The following NPIPB2 variants were observed in gnomAD, a reference collection of about 807,000 sequenced individuals.
NPIPB2 encodes nuclear pore complex interacting protein family member B2, also known as nuclear pore complex-interacting protein family member B2.
NPIPB2 carries 27 observed loss-of-function variants against 30.8 expected under a neutral mutation model. The ratio of observed to expected loss-of-function variants is 0.88; its 90% CI spans 0.65 to 1.21. The LOEUF (loss-of-function observed/expected upper bound fraction) is 1.21, where lower values mean the gene tolerates loss of function less well. NPIPB2 is among the 50% of genes most tolerant of loss of function. The pLI is 0.00. For missense variants in NPIPB2, 440 were observed against 446.2 expected (o/e 0.99, Z 0.13); for synonymous variants, 147 against 162.0 (o/e 0.91, Z 0.70).
chr16:11,948,118 C>T (rs570260993), intron 1 of NPIPB2, among the ~76,000 whole-genome samples: 1 of 151,502 alleles, frequency 6.6e-6, no homozygotes, highest in African/African-American at 2.4e-5. Context: ...GAGTCACTGC[C>T]TAAAACATGG....
intron 1 of NPIPB2, among the ~76,000 whole-genome samples, chr16:11,975,011 G>A (rs1316763469): frequency 6.6e-6 from 1 of 151,492 alleles, no homozygotes; most frequent in Non-Finnish European, 1.5e-5. Flanking sequence ...GGAGGTGGAG[G>A]TTGCAGTGAG....
chr16:11,971,437 G>A (rs1304205222), intron 1 of NPIPB2, among the ~76,000 whole-genome samples: 1 of 151,746 alleles, frequency 6.6e-6, no homozygotes, highest in Non-Finnish European at 1.5e-5. Context: ...GCAGGTATGG[G>A]GGAGTGGGGT....
chr16:11,964,904 TTGTC>T (rs1395413732), intron 1 of NPIPB2, among the ~76,000 whole-genome samples: 1 of 152,190 alleles, frequency 6.6e-6, no homozygotes, highest in Non-Finnish European at 1.5e-5. Context: ...AGACCTTGTC[TTGTC>T]TATCTCCCTG....
intron 1 of NPIPB2, 124 bp from the exon 2 acceptor site, chr16:11,937,792 C>T (rs920210202): frequency 1.6e-5 from 23 of 1,420,572 alleles, no homozygotes; most frequent in Middle Eastern, 5.1e-4. Flanking sequence ...CAGATATCAC[C>T]GTGGGATTCC....
At chr16:11,973,785 C>T (rs907240647) in intron 1 of NPIPB2, among the ~76,000 whole-genome samples, 2 of 151,962 alleles carry the variant, frequency 1.3e-5, no homozygotes, top group African/African-American at 2.4e-5. Context: ...TGTGAGCCAC[C>T]GCACCCAGCC....
chr16:11,960,547 G>A (rs925002408), intron 1 of NPIPB2, among the ~76,000 whole-genome samples: 12 of 151,926 alleles, frequency 7.9e-5, no homozygotes, highest in African/African-American at 2.4e-4. Flanking sequence ...TGGTGGAGAC[G>A]GGGTTTCACC....
intron 1 of NPIPB2, chr16:11,966,475 T>C: frequency 1.1e-6 from 1 of 908,464 alleles, no homozygotes; most frequent in Non-Finnish European, 1.6e-6. Context: ...CATTGTTACA[T>C]TAAATGAACT....
intron 1 of NPIPB2, among the ~76,000 whole-genome samples, chr16:11,959,897 T>C (rs1239119015): frequency 6.6e-6 from 1 of 152,164 alleles, no homozygotes; most frequent in Non-Finnish European, 1.5e-5. Context: ...TGCCTCAGCC[T>C]CCTGAGCAGC....
chr16:11,963,952 C>G (rs1448862298), intron 1 of NPIPB2: 2 of 151,584 alleles, frequency 1.3e-5, no homozygotes, highest in Non-Finnish European at 2.9e-5. Flanking sequence ...GGCAGATCAC[C>G]TGAACCCAGG....
chr16:11,934,020 C>G (rs2054830474), intron 2 of NPIPB2, 96 bp from the exon 3 acceptor site: 3 of 918,248 alleles, frequency 3.3e-6, no homozygotes, highest in African/African-American at 1.6e-5. Context: ...ATCACGGGGT[C>G]AGGAGTTCAA....
At chr16:11,975,624 T>A (rs1253524193) in intron 1 of NPIPB2, among the ~76,000 whole-genome samples, 3 of 151,848 alleles carry the variant, frequency 2.0e-5, no homozygotes, top group Non-Finnish European at 2.9e-5. Flanking sequence ...GGAGTCTCAC[T>A]CTGTCACCCA....
chr16:11,971,402 G>C (rs1265291377), intron 1 of NPIPB2, among the ~76,000 whole-genome samples: 1 of 138,982 alleles, frequency 7.2e-6, no homozygotes, highest in East Asian at 2.4e-4. Flanking sequence ...CACTGGTTCG[G>C]TCCAGAAAGG....
At chr16:11,967,628 A>C in intron 1 of NPIPB2, 1 of 1,614,216 alleles carries the variant, frequency 6.2e-7, no homozygotes, top group Non-Finnish European at 8.5e-7. Flanking sequence ...CTGGTGATGA[A>C]ATTATTCTTC....
chr16:11,963,627 G>C (rs900766078), intron 1 of NPIPB2, among the ~76,000 whole-genome samples: 4 of 152,146 alleles, frequency 2.6e-5, no homozygotes, highest in Non-Finnish European at 5.9e-5. Context: ...ACTTACCTCA[G>C]AGATAATCAC....
intron 1 of NPIPB2, chr16:11,967,188 G>A: frequency 5.0e-6 from 1 of 198,566 alleles, no homozygotes; most frequent in Non-Finnish European, 1.1e-5. Context: ...TTTTGGTAGA[G>A]ACAGGGTTTC....
At chr16:11,958,836 G>A (rs2055134200) in intron 1 of NPIPB2, among the ~76,000 whole-genome samples, 1 of 152,206 alleles carries the variant, frequency 6.6e-6, no homozygotes, top group African/African-American at 2.4e-5. Context: ...GAGCTACCAT[G>A]GGTGAGTGTT....
intron 1 of NPIPB2, chr16:11,967,853 C>A (rs1290862704): frequency 5.6e-6 from 9 of 1,611,572 alleles, no homozygotes; most frequent in Middle Eastern, 1.7e-4. Flanking sequence ...GGTAATTAAC[C>A]ATTTCGACTC....
intron 4 of NPIPB2, 104 bp downstream of exon 4, chr16:11,933,413 A>G: frequency 1.3e-6 from 2 of 1,531,126 alleles, no homozygotes; most frequent in South Asian, 1.2e-5. Context: ...AACCCACTGA[A>G]TTTGCCACAA....
At chr16:11,944,733 C>CAAAA (rs56283093), upstream of NPIPB2, among the ~76,000 whole-genome samples, 55 of 46,128 alleles carry the variant, frequency 1.2e-3, 6 homozygotes, top group African/African-American at 5.5e-3. Flanking sequence ...GACTCCGTGT[C>CAAAA]AAAAAAAAAA....
Sources: gnomAD v4.1 joint callset for allele counts (sites outside exome capture counted in the v4.1 genomes callset) on GRCh38, gnomAD v4.1.1 for gene constraint, MANE v1.5 for transcripts, NCBI Gene and HGNC (gene_info 2026-07-23, HGNC 2026-07-21) for gene names.